The following CELF2 variants were observed in gnomAD, a reference collection of about 807,000 sequenced individuals.
CELF2 encodes the protein CUG triplet repeat RNA-binding protein 2.
Under a neutral mutation model 62.6 loss-of-function variants are expected in CELF2, and 8 were observed. The observed-to-expected ratio is 0.13, with a 90% CI of 0.07 to 0.23. CELF2 has a LOEUF of 0.23. Among genes scored for constraint, CELF2 ranks in the 10% least tolerant of loss-of-function variants. The probability of loss-of-function intolerance (pLI) is 1.00; values close to 1 mark genes in which losing one functional copy is unlikely to be tolerated. For synonymous variants in CELF2, 258 were observed against 250.0 expected (o/e 1.03, Z -0.30); for missense variants, 333 against 671.0 (o/e 0.50, Z 5.56).
the CELF2 span, among the ~76,000 whole-genome samples, chr10:10,563,720 A>G: frequency 6.6e-6 from 1 of 152,064 alleles, no homozygotes; most frequent in South Asian, 2.1e-4. Context: ...TTCAAATGGA[A>G]GAAACCTGAG....
At chr10:11,048,553 G>T (rs1432806403) in intron 1 of CELF2, among the ~76,000 whole-genome samples, 1 of 152,204 alleles carries the variant, frequency 6.6e-6, no homozygotes, top group Non-Finnish European at 1.5e-5. Context: ...CCCGTGTAAG[G>T]AATATATTGA....
In CELF2 at chr10:10,882,974, G is replaced by A. The variant is rs530735472; in HGVS notation, c.54-36990G>A. ...TAAGCTCTGGGCATGATAAGATGGC[G>A]AAGGGGCTTATTGTCATTCTTCCTG... On this transcript the variant is annotated intron_variant, in intron 1 of 13. Transcript: ENST00000636488. Among the ~76,000 whole-genome samples the A allele has an allele frequency of 5.3e-5, 8 of 152,270 alleles. No homozygotes were observed. In the East Asian group the frequency reaches 9.6e-4, roughly 18 times the overall value.
At chr10:10,471,327 T>G in the CELF2 span, among the ~76,000 whole-genome samples, 1 of 151,718 alleles carries the variant, frequency 6.6e-6, no homozygotes, top group East Asian at 1.9e-4. Flanking sequence ...TATCTGTCAC[T>G]GAGAGTGGTA....
At chr10:10,523,101 C>T in the CELF2 span, among the ~76,000 whole-genome samples, 1 of 152,162 alleles carries the variant, frequency 6.6e-6, no homozygotes, top group Admixed American at 6.5e-5. Flanking sequence ...AATGTGTCTA[C>T]CTCTGGAGAG....
At chr10:10,746,704 G>A in the CELF2 span, among the ~76,000 whole-genome samples, 44 of 152,066 alleles carry the variant, frequency 2.9e-4, no homozygotes, top group East Asian at 3.9e-3. Flanking sequence ...CGGAGATTTC[G>A]GTGGTATTGA....
rs1261101814 is a variant in CELF2, at chr10:11,156,402, C to T, written c.75-9084C>T. On this transcript the variant is annotated intron_variant, in intron 1 of 12. Transcript: ENST00000633077. This position sits in a 1 kb window ranked among gnomAD's most constrained non-coding sequence, Gnocchi z 4.3. ...TGAGGATGTGCTGAGACCATCCTCA[C>T]CGTCCAGACGAGGCCTTCCCTGACC... 6.6e-6 allele frequency among the ~76,000 whole-genome samples: 1 copy of T among 152,170 alleles called. No homozygotes were observed. The highest frequency in any genetic ancestry group is 2.4e-5 in the African/African-American group (1 of 41,428).
At chr10:10,713,287 C>T in the CELF2 span, among the ~76,000 whole-genome samples, 5 of 152,174 alleles carry the variant, frequency 3.3e-5, no homozygotes, top group South Asian at 2.1e-4. Flanking sequence ...TTTTTATGTA[C>T]GCATTGCTTG....
intron 1 of CELF2, among the ~76,000 whole-genome samples, chr10:10,843,107 C>A (rs930020420): frequency 1.3e-5 from 2 of 151,748 alleles, no homozygotes; most frequent in Non-Finnish European, 2.9e-5. Flanking sequence ...CTTTATTATC[C>A]CTTCAACGTC....
At chr10:10,904,526 CAACCCT>C (rs1051265246) in intron 1 of CELF2, among the ~76,000 whole-genome samples, 2 of 152,204 alleles carry the variant, frequency 1.3e-5, no homozygotes, top group African/African-American at 4.8e-5. Context: ...CCACTGTGTC[CAACCCT>C]CTCTATATTA....
At chr10:11,282,014 G>T (rs929684569) in intron 8 of CELF2, among the ~76,000 whole-genome samples, 1 of 152,168 alleles carries the variant, frequency 6.6e-6, no homozygotes, top group Non-Finnish European at 1.5e-5. Flanking sequence ...TGTTCATACT[G>T]TTGTGGTGGG....
chr10:10,855,402 G>A (rs996301059), intron 1 of CELF2, among the ~76,000 whole-genome samples: 10 of 152,200 alleles, frequency 6.6e-5, no homozygotes, highest in East Asian at 1.9e-4. Flanking sequence ...CAGCCTGCAC[G>A]TCTAAATCCA....
intron 1 of CELF2, among the ~76,000 whole-genome samples, chr10:11,055,754 G>A (rs2065099676): frequency 6.6e-6 from 1 of 152,202 alleles, no homozygotes; most frequent in South Asian, 2.1e-4. Context: ...TGCAAGTGCT[G>A]TGGCCGCCAT....
At chr10:10,516,894 AT>A in the CELF2 span, among the ~76,000 whole-genome samples, 1 of 152,040 alleles carries the variant, frequency 6.6e-6, no homozygotes, top group Non-Finnish European at 1.5e-5. Flanking sequence ...TTCATTCCCC[AT>A]GGACAAACCA....
intron 1 of CELF2, among the ~76,000 whole-genome samples, chr10:10,851,833 A>T (rs916915275): frequency 6.6e-6 from 1 of 152,236 alleles, no homozygotes. Flanking sequence ...ATAGATGACC[A>T]ATAAGCATAT....
At chr10:11,241,631 T>G (rs904953445) in intron 3 of CELF2, among the ~76,000 whole-genome samples, 7 of 152,208 alleles carry the variant, frequency 4.6e-5, no homozygotes, top group African/African-American at 1.7e-4. Flanking sequence ...ATTTGAAGGT[T>G]CTTCTTTAGT....
chr10:11,003,621 G>A (rs1351999570), upstream of CELF2, among the ~76,000 whole-genome samples: 1 of 152,152 alleles, frequency 6.6e-6, no homozygotes, highest in Non-Finnish European at 1.5e-5. This position sits in a 1 kb window ranked among gnomAD's most constrained non-coding sequence, Gnocchi z 4.4. Flanking sequence ...GAGAGCCACA[G>A]AGAGGTTAAG....
At chr10:11,040,644 C>T (rs542693839) in intron 1 of CELF2, among the ~76,000 whole-genome samples, 1 of 152,050 alleles carries the variant, frequency 6.6e-6, no homozygotes, top group Admixed American at 6.6e-5. Flanking sequence ...GCTTATGTGC[C>T]CGTTACCATC....
At position 11,191,264 on chromosome 10, in the gene CELF2, G is replaced by A. The variant is rs1167889488; in HGVS notation, c.271+25582G>A. Among the ~76,000 whole-genome samples, 5 of 152,270 alleles carry A rather than the reference G, an allele frequency of 3.3e-5. No homozygotes were observed. In the South Asian group the frequency reaches 1.0e-3, roughly 32 times the overall value. On this transcript the variant is annotated intron_variant, in intron 2 of 12. Coordinates refer to ENST00000633077, the MANE Select transcript of CELF2 (RefSeq NM_001326342.2). The surrounding 1 kb of genome is among the most constrained non-coding windows in gnomAD (Gnocchi z 4.1). ...CTTAGATGGTTCTCTCTAGCTATGGGGCTTGGAGAGTAAATGGGCAGGAGT... is the reference window on the plus strand; with the variant it reads ...CTTAGATGGTTCTCTCTAGCTATGGAGCTTGGAGAGTAAATGGGCAGGAGT...
the CELF2 span, among the ~76,000 whole-genome samples, chr10:10,679,538 C>A: frequency 6.6e-6 from 1 of 152,226 alleles, no homozygotes; most frequent in Non-Finnish European, 1.5e-5. Context: ...GATCCGCCAG[C>A]CTTGGCTTCC....
Sources: allele counts gnomAD v4.1 joint callset (sites outside exome capture counted in the v4.1 genomes callset), GRCh38; gene constraint gnomAD v4.1.1; non-coding constraint Gnocchi (gnomAD v3.1); transcripts MANE v1.5; gene names NCBI Gene and HGNC (gene_info 2026-07-23, HGNC 2026-07-21).